BEND2: variants seen among roughly 807,000 people sequenced by gnomAD.
BEND2 encodes the protein BEN domain containing 2.
A neutral mutation model predicts 43.8 loss-of-function variants in BEND2; 19 were observed. The ratio of observed to expected loss-of-function variants is 0.43; its 90% CI spans 0.30 to 0.64. BEND2 has a LOEUF of 0.64. Among genes scored for constraint, BEND2 ranks in the 30% least tolerant of loss-of-function variants. The pLI, the probability that BEND2 is intolerant of heterozygous loss-of-function variation, is 0.11. For synonymous variants in BEND2, 226 were observed against 210.1 expected (o/e 1.08, Z -0.66); for missense variants, 544 against 574.0 (o/e 0.95, Z 0.53).
chrX:18,182,847 G>T (rs1292965944), intron 8 of BEND2, among the ~76,000 whole-genome samples: 1 of 110,075 alleles, frequency 9.1e-6, no homozygotes, highest in Non-Finnish European at 1.9e-5. Flanking sequence ...TTAGAGACCA[G>T]CCTGGCCAAC....
chrX:18,177,694 G>A lies in BEND2; in HGVS notation c.1505C>T (p.Pro502Leu). Residue 502 changes from proline to leucine, a missense_variant, in exon 10 of 14, where the codon CCT becomes CTT. Around this residue, in one of 2 missense-constraint regions of BEND2, gnomAD observed 501 missense variants for 501.6 expected, o/e 1.00. Transcript: ENST00000380033. Reference protein sequence around the residue: ...HLLAVQNMAKPKQAACYLVRI... With the variant: ...HLLAVQNMAKLKQAACYLVRI... ...AACCAAGTAGCAGGCTGCTTGCTTA[G>A]GTTTGGCCATATTTTGTACGGCCAG... 1 of 1,210,629 alleles carries A rather than the reference G, an allele frequency of 8.3e-7. No homozygotes were observed. Among genetic ancestry groups the A allele is most frequent in the Non-Finnish European group, 1.1e-6 (1 of 894,876 alleles).
In BEND2 at chrX:18,164,124, G is replaced by A; in HGVS notation, c.*885C>T. On this transcript the variant is annotated 3_prime_UTR_variant, in exon 14 of 14. Coordinates refer to ENST00000380033, the MANE Select transcript of BEND2 (RefSeq NM_153346.5). ...TGCAGTCTCCACCTCCCAGGTTCAAGTGATTCTCCTGCCTCAGCCACCCGA... is the reference window on the plus strand; with the variant it reads ...TGCAGTCTCCACCTCCCAGGTTCAAATGATTCTCCTGCCTCAGCCACCCGA... The A allele has an allele frequency of 9.0e-6, 1 of 111,204 alleles. No individual in the cohort carries two copies. The highest frequency in any genetic ancestry group is 1.9e-5 in the Non-Finnish European group (1 of 53,052). 9.2% of individuals were successfully genotyped at this position (111,204 alleles called of 1,213,427 possible).
chrX:18,177,509 C>G, intron 10 of BEND2, 60 bp downstream of exon 10: 1 of 1,078,643 alleles, frequency 9.3e-7, no homozygotes, highest in Non-Finnish European at 1.3e-6. Flanking sequence ...CAATAACATT[C>G]ATTATATGAC....
intron 9 of BEND2, among the ~76,000 whole-genome samples, chrX:18,179,814 C>T (rs765356565): frequency 8.9e-6 from 1 of 112,613 alleles, no homozygotes; most frequent in Admixed American, 9.4e-5. Context: ...CCCTTAGAAG[C>T]CACAGAGCTT....
rs146687822 is a variant in BEND2, at chrX:18,210,581, C to A, written c.492+1984G>T. Among the ~76,000 whole-genome samples the A allele has an allele frequency of 5.4e-5, 6 of 112,117 alleles. No individual in the cohort carries two copies. In the East Asian group the frequency reaches 1.7e-3, roughly 31 times the overall value. On this transcript the variant is annotated intron_variant, in intron 4 of 13. Transcript: ENST00000380033. ...ATTTATATACTTCGTGGTAGATAAA[C>A]GAGTCTTCTAGCACCAGAACTGCTT...
At chrX:18,220,151 G>A (rs1052616423) in intron 1 of BEND2, among the ~76,000 whole-genome samples, 3 of 111,635 alleles carry the variant, frequency 2.7e-5, no homozygotes, top group African/African-American at 9.8e-5. Context: ...ACCACCCAAA[G>A]CACCCCCTCA....
At chrX:18,183,131 G>A (rs780579706) in intron 8 of BEND2, among the ~76,000 whole-genome samples, 1 of 107,921 alleles carries the variant, frequency 9.3e-6, no homozygotes, top group Non-Finnish European at 1.9e-5. Context: ...CAACCAACAG[G>A]ATTTTCATTA....
At chrX:18,183,430 C>A in intron 8 of BEND2, among the ~76,000 whole-genome samples, 1 of 111,820 alleles carries the variant, frequency 8.9e-6, no homozygotes, top group Non-Finnish European at 1.9e-5. Context: ...GACACAGCTT[C>A]GGAGCTAGAT....
chrX:18,217,556 T>C (rs1371236371), intron 1 of BEND2, among the ~76,000 whole-genome samples: 2 of 111,674 alleles, frequency 1.8e-5, no homozygotes, highest in Non-Finnish European at 1.9e-5. Flanking sequence ...TCTGTAATTA[T>C]CCAGAGGTAT....
At position 18,171,114 on chromosome X, in the gene BEND2, C is replaced by T; in HGVS notation, c.2072G>A (p.Arg691Lys). 8.3e-7 allele frequency: 1 copy of T among 1,210,840 alleles called. No homozygotes were observed. Among genetic ancestry groups the T allele is most frequent in the Non-Finnish European group, 1.1e-6 (1 of 894,266 alleles). Residue 691 changes from arginine (R) to lysine (K), a missense_variant, in exon 13 of 14, where the codon AGA (arginine) becomes AAA (lysine). Arg to Lys is a conservative substitution (Grantham distance 26). Around this residue, in one of 2 missense-constraint regions of BEND2, gnomAD observed 501 missense variants for 501.6 expected, o/e 1.00. Coordinates refer to ENST00000380033, the MANE Select transcript of BEND2 (RefSeq NM_153346.5). ...TGTGAAGAGTTTCTGAATAAGGTAT[C>T]TAGCCGACAGGCTTGCGCAAGACTT... ...KTKSCASLSA[R>K]YLIQKLFTKD...
At chrX:18,215,889 C>T (rs1038701094) in intron 2 of BEND2, among the ~76,000 whole-genome samples, 75 of 112,083 alleles carry the variant, frequency 6.7e-4, no homozygotes, top group African/African-American at 2.3e-3. Context: ...TCTCATGGCT[C>T]TCTGTACAAG....
chrX:18,168,383 A>G (rs769234961), intron 13 of BEND2, among the ~76,000 whole-genome samples: 1 of 111,812 alleles, frequency 8.9e-6, no homozygotes, highest in East Asian at 2.8e-4. Flanking sequence ...TATGATTTAC[A>G]AGGGAAGGTA....
intron 10 of BEND2, 31 bp from the exon 11 acceptor site, chrX:18,176,124 T>C (rs1233220499): frequency 8.6e-7 from 1 of 1,160,417 alleles, no homozygotes; most frequent in African/African-American, 1.8e-5. Flanking sequence ...TCACGAAAAT[T>C]AGAAAAAAAA....
intron 4 of BEND2, among the ~76,000 whole-genome samples, chrX:18,211,032 T>A (rs960836402): frequency 1.3e-4 from 15 of 111,379 alleles, no homozygotes; most frequent in African/African-American, 4.9e-4. Flanking sequence ...CCTTGTATAG[T>A]GCTTCATGCT....
At chrX:18,206,747 C>T (rs1478969191) in intron 4 of BEND2, among the ~76,000 whole-genome samples, 1 of 111,128 alleles carries the variant, frequency 9.0e-6, no homozygotes, top group African/African-American at 3.3e-5. Flanking sequence ...GAGGACTGCC[C>T]TAGGCGCTCC....
chrX:18,203,847 T>C lies in BEND2; in HGVS notation c.561A>G (p.Thr187=), dbSNP rs778377560. ...CATGACATGCTGCTGACTCAAGAGATGTTACAGCAGGGCTGGCCCAGGCAT... is the reference window on the plus strand; with the variant it reads ...CATGACATGCTGCTGACTCAAGAGACGTTACAGCAGGGCTGGCCCAGGCAT... The part of the protein sequence containing the change: ...ETHAWASPAV[T]SLESAACHEL... The change falls in exon 5 of 14, where the codon ACA becomes ACG. Residue 187 remains threonine (T), a synonymous_variant. Coordinates refer to ENST00000380033, the MANE Select transcript of BEND2 (RefSeq NM_153346.5). The C allele has an allele frequency of 1.7e-6, 2 of 1,208,601 alleles. No homozygotes were observed. The highest frequency in any genetic ancestry group is 2.2e-5 in the Admixed American group (1 of 45,769).
intron 4 of BEND2, among the ~76,000 whole-genome samples, chrX:18,209,076 G>A (rs777455376): frequency 2.7e-5 from 3 of 111,722 alleles, no homozygotes; most frequent in Non-Finnish European, 5.6e-5. Flanking sequence ...TCAACTGAAG[G>A]AGCTCCCAAT....
Position 18,171,052 on chromosome X carries a change from G to T in BEND2, c.2134C>A (p.Leu712Met). ...VLVQSNVYGN[L>M]KHGLCALDPN... ...TCAAGGGCACACAGGCCATGCTTCAGATTGCCATAGACGTTACTTTGGACC... is the reference window on the plus strand; with the variant it reads ...TCAAGGGCACACAGGCCATGCTTCATATTGCCATAGACGTTACTTTGGACC... The change falls in exon 13 of 14, where the codon CTG (leucine) becomes ATG (methionine). Residue 712 changes from leucine (L) to methionine (M), a missense_variant. Leu to Met is a conservative substitution (Grantham distance 15, BLOSUM62 2). Around this residue, in one of 2 missense-constraint regions of BEND2, gnomAD observed 43 missense variants for 72.4 expected, o/e 0.59. Coordinates refer to ENST00000380033, the MANE Select transcript of BEND2 (RefSeq NM_153346.5). The T allele has an allele frequency of 8.3e-7, 1 of 1,211,801 alleles. No homozygotes were observed. The highest frequency in any genetic ancestry group is 1.1e-6 in the Non-Finnish European group (1 of 895,210).
At chrX:18,177,158 T>C (rs1924192274) in intron 10 of BEND2, among the ~76,000 whole-genome samples, 1 of 108,427 alleles carries the variant, frequency 9.2e-6, no homozygotes, top group Non-Finnish European at 1.9e-5. Flanking sequence ...AAAGAACTAA[T>C]CATAAAATTC....
Sources: gnomAD v4.1 joint callset for allele counts (sites outside exome capture counted in the v4.1 genomes callset) on GRCh38, gnomAD v4.1.1 for gene constraint, gnomAD v4.1.1 regional missense constraint, MANE v1.5 for transcripts, NCBI Gene and HGNC (gene_info 2026-07-23, HGNC 2026-07-21) for gene names.